UBE3C: variants seen among roughly 807,000 people sequenced by gnomAD.
UBE3C encodes ubiquitin protein ligase E3C, also known as ubiquitin-protein ligase E3C.
In UBE3C, 42 loss-of-function variants were observed where a neutral mutation model predicts 129.4. That is an observed-to-expected ratio of 0.32 (90% confidence interval 0.25 to 0.42). The LOEUF (loss-of-function observed/expected upper bound fraction) is 0.42. Among genes scored for constraint, UBE3C ranks in the 10% least tolerant of loss-of-function variants. The probability of loss-of-function intolerance (pLI) is 1.00; values close to 1 mark genes in which losing one functional copy is unlikely to be tolerated. For missense variants in UBE3C, 1,049 were observed against 1,319.1 expected, an observed-to-expected ratio of 0.80 and a Z score of 3.17; for synonymous variants, 510 against 492.4, an observed-to-expected ratio of 1.04 and a Z score of -0.47.
chr7:157,232,393 C>G (rs1796045454), intron 18 of UBE3C, among the ~76,000 whole-genome samples: 1 of 152,172 alleles, frequency 6.6e-6, no homozygotes, highest in African/African-American at 2.4e-5. Flanking sequence ...TCTCCTTGCT[C>G]TGTTGCCCAG....
At chr7:157,243,006 G>A (rs1440987849) in intron 18 of UBE3C, among the ~76,000 whole-genome samples, 1 of 152,048 alleles carries the variant, frequency 6.6e-6, no homozygotes, top group Non-Finnish European at 1.5e-5. Flanking sequence ...GGTGAGCCAA[G>A]ATTGTGCCAC....
intron 22 of UBE3C, among the ~76,000 whole-genome samples, chr7:157,259,700 G>GGGGCTACACAGAGCGGA (rs1563078576): frequency 6.6e-6 from 1 of 152,064 alleles, no homozygotes; most frequent in Non-Finnish European, 1.5e-5. Context: ...CACAGAGCGG[G>GGGGCTACACAGAGCGGA]TCAGGGGCTG....
intron 17 of UBE3C, among the ~76,000 whole-genome samples, chr7:157,230,196 C>A (rs1795985037): frequency 6.6e-6 from 1 of 152,084 alleles, no homozygotes; most frequent in African/African-American, 2.4e-5. Flanking sequence ...AGACATGAGC[C>A]ACTGCACCTG....
chr7:157,259,640 A>G (rs1584829197), intron 22 of UBE3C, among the ~76,000 whole-genome samples: 2 of 152,364 alleles, frequency 1.3e-5, no homozygotes, highest in East Asian at 3.9e-4. Context: ...ACGTATTATT[A>G]TATGTAATTC....
intron 18 of UBE3C, among the ~76,000 whole-genome samples, chr7:157,237,843 C>A (rs889619761): frequency 1.3e-5 from 2 of 151,368 alleles, no homozygotes; most frequent in Non-Finnish European, 1.5e-5. Flanking sequence ...CCCAGGAGTT[C>A]AAGACCATCC....
intron 1 of UBE3C, among the ~76,000 whole-genome samples, chr7:157,154,042 G>A (rs893989866): frequency 4.1e-5 from 6 of 147,116 alleles, no homozygotes; most frequent in African/African-American, 1.1e-4. Flanking sequence ...ATGATAGGCC[G>A]GGCACGGTGG....
At chr7:157,165,307 CTG>C (rs1262611621) in intron 2 of UBE3C, among the ~76,000 whole-genome samples, 2 of 151,608 alleles carry the variant, frequency 1.3e-5, no homozygotes, top group African/African-American at 4.9e-5. Flanking sequence ...GTGCTTTTCT[CTG>C]TGTTTATCCT....
At chr7:157,198,961 G>A (rs1296236681) in intron 10 of UBE3C, among the ~76,000 whole-genome samples, 1 of 152,132 alleles carries the variant, frequency 6.6e-6, no homozygotes, top group Admixed American at 6.5e-5. Flanking sequence ...TCTGAAAATG[G>A]TATTTCAGAA....
intron 4 of UBE3C, among the ~76,000 whole-genome samples, chr7:157,174,535 C>T (rs1453237220): frequency 2.0e-5 from 3 of 152,126 alleles, no homozygotes; most frequent in Admixed American, 2.0e-4. Context: ...CAACCTCCAC[C>T]CACACCCCGC....
intron 1 of UBE3C, among the ~76,000 whole-genome samples, chr7:157,159,570 A>G (rs1254852951): frequency 1.3e-5 from 2 of 152,226 alleles, no homozygotes; most frequent in Admixed American, 1.3e-4. Context: ...AGAGAACGTG[A>G]TTAAATACCA....
At chr7:157,170,280 C>A in intron 3 of UBE3C, 24 bp from the exon 4 acceptor site, 1 of 1,450,490 alleles carries the variant, frequency 6.9e-7, no homozygotes. Context: ...ATTTATGGGT[C>A]ATTTTGTTTT....
At chr7:157,242,651 T>A (rs915587508) in intron 18 of UBE3C, among the ~76,000 whole-genome samples, 2 of 152,078 alleles carry the variant, frequency 1.3e-5, no homozygotes, top group Non-Finnish European at 2.9e-5. Flanking sequence ...CGAACTTCCT[T>A]GTTCATGAAG....
intron 13 of UBE3C, among the ~76,000 whole-genome samples, chr7:157,209,740 A>G (rs923628532): frequency 2.0e-5 from 3 of 152,358 alleles, no homozygotes; most frequent in Admixed American, 2.0e-4. Context: ...AGTATGTAGA[A>G]ATCTCTGAAC....
chr7:157,261,182 T>G (rs1796896120), intron 22 of UBE3C, among the ~76,000 whole-genome samples: 1 of 151,796 alleles, frequency 6.6e-6, no homozygotes, highest in East Asian at 1.9e-4. Context: ...GGTGCATGCC[T>G]GTAGTCCCAG....
chr7:157,230,930 A>C (rs975918517), intron 17 of UBE3C, 150 bp from the exon 18 acceptor site: 1 of 1,211,158 alleles, frequency 8.3e-7, no homozygotes, highest in African/African-American at 1.5e-5. Context: ...GTCTCAAAAA[A>C]TAATGATAAT....
intron 1 of UBE3C, among the ~76,000 whole-genome samples, chr7:157,148,532 C>T (rs1473153115): frequency 6.6e-6 from 1 of 152,158 alleles, no homozygotes; most frequent in East Asian, 1.9e-4. Context: ...TTTTGTAAAA[C>T]TGCCCTCTAT....
At chr7:157,227,294 C>G (rs114143829) in intron 17 of UBE3C, among the ~76,000 whole-genome samples, 3,945 of 152,142 alleles carry the variant, frequency 0.026, 194 homozygotes, top group African/African-American at 0.09. Flanking sequence ...GAGGGGAGCT[C>G]CGAGGGCACG....
At chr7:157,252,375 A>G (rs1479600337) in intron 19 of UBE3C, among the ~76,000 whole-genome samples, 2 of 152,236 alleles carry the variant, frequency 1.3e-5, no homozygotes, top group Non-Finnish European at 2.9e-5. Flanking sequence ...GCTGAGTACA[A>G]GCAAAGGAAT....
chr7:157,162,994 G>A (rs1353926582), intron 1 of UBE3C, among the ~76,000 whole-genome samples: 1 of 151,940 alleles, frequency 6.6e-6, no homozygotes, highest in Non-Finnish European at 1.5e-5. Flanking sequence ...TCAAAACTTA[G>A]TTTTATTTAT....
Sources: allele counts gnomAD v4.1 joint callset (sites outside exome capture counted in the v4.1 genomes callset), GRCh38; gene constraint gnomAD v4.1.1; transcripts MANE v1.5; gene names NCBI Gene and HGNC (gene_info 2026-07-23, HGNC 2026-07-21).